KIAA2013: variants seen among roughly 807,000 people sequenced by gnomAD.
KIAA2013 encodes uncharacterized protein KIAA2013.
A neutral mutation model predicts 39.9 loss-of-function variants in KIAA2013; 20 were observed. That is an observed-to-expected ratio of 0.50 (90% CI 0.35 to 0.73). The LOEUF (loss-of-function observed/expected upper bound fraction) is 0.73, where lower values mean the gene tolerates loss of function less well. KIAA2013 is among the 30% of genes least tolerant of loss of function. The probability of loss-of-function intolerance (pLI) is 0.01; values close to 1 mark genes in which losing one functional copy is unlikely to be tolerated. For missense variants in KIAA2013, 587 were observed against 856.1 expected (o/e 0.69, Z 3.92); for synonymous variants, 336 against 416.6 (o/e 0.81, Z 2.35).
rs1283917991 is a variant in KIAA2013 at position 11,922,951 on chromosome 1, C to G, written c.1572G>C (p.Lys524Asn). 1.9e-6 allele frequency: 3 copies of G among 1,612,002 alleles called. No homozygotes were observed. The highest frequency in any genetic ancestry group is 2.5e-6 in the Non-Finnish European group (3 of 1,178,782). Reference protein sequence around the residue: ...RGQPVKIYACKAGCLDEPVEL... With the variant: ...RGQPVKIYACNAGCLDEPVEL... ...CCACTGGCTCGTCCAGGCAGCCTGC[C>G]TTGCAGGCATAGATCTTGACAGGCT... is the stretch of plus-strand genomic sequence containing the variant. The change falls in exon 2 of 3, where the codon AAG (lysine) becomes AAC (asparagine). Residue 524 changes from lysine (K) to asparagine (N), a missense_variant. Lys to Asn is a moderately conservative substitution (Grantham distance 94). Coordinates refer to ENST00000376572, the MANE Select transcript of KIAA2013 (RefSeq NM_138346.3).
chr1:11,925,656 C>A lies in KIAA2013; in HGVS notation c.582G>T (p.Ala194=). The A allele has an allele frequency of 6.2e-7, 1 of 1,607,836 alleles. No individual in the cohort carries two copies. Among genetic ancestry groups the A allele is most frequent in the South Asian group, 1.1e-5 (1 of 90,386 alleles). Reference sequence around the variant, plus strand: ...GGTAGACGTGGGGTCGGCCCCTGTGCGCCAGAAAGTCCTCTTGCAGCAGCA... The same window carrying A: ...GGTAGACGTGGGGTCGGCCCCTGTGAGCCAGAAAGTCCTCTTGCAGCAGCA... ...DCVLLQEDFL[A]HRGRPHVYLQ... is the part of the protein sequence containing the mutation. The change falls in exon 1 of 3, where the codon GCG becomes GCT. Residue 194 remains alanine, a synonymous_variant. Coordinates refer to ENST00000376572, the MANE Select transcript of KIAA2013 (RefSeq NM_138346.3). The surrounding 1 kb of genome is among the most constrained non-coding windows in gnomAD (Gnocchi z 5.2).
In KIAA2013 at chr1:11,923,336, T is replaced by G. The variant is rs754649273; in HGVS notation, c.1187A>C (p.Tyr396Ser). ...ERDQMESTLN[Y>S]EDHCFSGHAT... ...GTGCCCGCTGAAGCAGTGATCTTCATAGTTGAGCGTCGACTCCATCTGGTC... is the reference window on the plus strand; with the variant it reads ...GTGCCCGCTGAAGCAGTGATCTTCAGAGTTGAGCGTCGACTCCATCTGGTC... Residue 396 changes from tyrosine (Y) to serine (S), a missense_variant, in exon 2 of 3, where the codon TAT becomes TCT. Tyr to Ser is a moderately radical substitution (Grantham distance 144). Coordinates refer to ENST00000376572, the MANE Select transcript of KIAA2013 (RefSeq NM_138346.3). This position sits in a 1 kb window ranked among gnomAD's most constrained non-coding sequence, Gnocchi z 4.6. 8 of 1,613,834 alleles carry G rather than the reference T, an allele frequency of 5.0e-6. No homozygotes were observed. The highest frequency in any genetic ancestry group is 1.7e-5 in the Admixed American group (1 of 60,018).
In KIAA2013 at chr1:11,923,285, C is replaced by T; in HGVS notation, c.1238G>A (p.Trp413Ter). 2 of 1,613,304 alleles carry T rather than the reference C, an allele frequency of 1.2e-6. No homozygotes were observed. The highest frequency in any genetic ancestry group is 1.7e-6 in the Non-Finnish European group (2 of 1,179,512). ...CTGGACGGAGGACAGCCGCCCCGGC[C>T]ACAGGTTCTCGGCGTGCATGGTGGC... is the stretch of plus-strand genomic sequence containing the variant. ...GHATMHAENLWPGRLSSVQQI... is the reference protein window; with the variant it reads ...GHATMHAENL The change falls in exon 2 of 3, where the codon TGG becomes TAG. Residue 413 changes from tryptophan to a stop codon, truncating the protein, a stop_gained. Coordinates refer to ENST00000376572, the MANE Select transcript of KIAA2013 (RefSeq NM_138346.3). LOFTEE classifies it high-confidence loss of function. The surrounding 1 kb of genome is among the most constrained non-coding windows in gnomAD (Gnocchi z 4.6).
Position 11,926,126 on chromosome 1 carries a change from A to AC in KIAA2013, c.111dup (p.Ser38ValfsTer19). The AC allele has an allele frequency of 5.7e-6, 8 of 1,402,192 alleles. No individual in the cohort carries two copies. Among genetic ancestry groups the AC allele is most frequent in the Non-Finnish European group, 6.5e-6 (7 of 1,072,384 alleles). 86.9% of individuals were successfully genotyped at this position (1,402,192 alleles called of 1,614,324 possible). A position where few individuals can be genotyped will look rare whatever the true frequency, so the allele number is the denominator to read the frequency against. ...CCGCCCGCCGCCCGCCGCGCGCCGG[A>AC]CCCCCCAAACCACAGAAGCAGCAGC... On this transcript the variant is annotated frameshift_variant, in exon 1 of 3. Coordinates refer to ENST00000376572, the MANE Select transcript of KIAA2013 (RefSeq NM_138346.3). LOFTEE classifies it high-confidence loss of function.
chr1:11,922,691 T>G lies in KIAA2013; in HGVS notation c.1832A>C (p.Lys611Thr). 1.2e-6 allele frequency: 2 copies of G among 1,613,758 alleles called. No individual in the cohort carries two copies. The highest frequency in any genetic ancestry group is 1.7e-6 in the Non-Finnish European group (2 of 1,179,896). The change falls in exon 2 of 3, where the codon AAG (lysine) becomes ACG (threonine). Residue 611 changes from lysine to threonine, a missense_variant. By Grantham distance (78) the Lys-to-Thr change is moderately conservative. Transcript: ENST00000376572. ...CCCACAGTACTCGTTGTAGATGAGC[T>G]TGAAGAGGAAGAGGTGGAAGAGGGT... ...LITLFHLFLFKLIYNEYCGPG... is the reference protein window; with the variant it reads ...LITLFHLFLFTLIYNEYCGPG...
intron 2 of KIAA2013, 22 bp from the exon 3 acceptor site, chr1:11,920,354 T>C (rs1339047801): frequency 4.3e-6 from 7 of 1,613,586 alleles, no homozygotes; most frequent in Non-Finnish European, 5.9e-6. Flanking sequence ...ACAAAACAAG[T>C]GTGATTACTG....
In KIAA2013 at chr1:11,926,187, G is replaced by A; in HGVS notation, c.51C>T (p.Ser17=). The A allele has an allele frequency of 7.2e-7, 1 of 1,379,422 alleles. No individual in the cohort carries two copies. Among genetic ancestry groups the A allele is most frequent in the Non-Finnish European group, 9.5e-7 (1 of 1,057,760 alleles). The allele number at this position is 1,379,422 out of a possible 1,614,324, so 85.4% of individuals were successfully genotyped here. Residue 17 remains serine, a synonymous_variant, in exon 1 of 3, where the codon AGC becomes AGT. Transcript: ENST00000376572. ...GCAGGCAGAGGAGGCGGCGGGCCCA[G>A]CTGCTCGACAGCAGTCCCGGCAGCC... The part of the protein sequence containing the change: ...LKGLPGLLSS[S]WARRLLCLLG...
intron 2 of KIAA2013, chr1:11,922,201 C>A: frequency 1.2e-5 from 2 of 162,702 alleles, no homozygotes; most frequent in Non-Finnish European, 2.0e-5. Context: ...TTGTTTTTTG[C>A]TTTTTTGAGA....
Position 11,923,016 on chromosome 1 carries a change from C to T in KIAA2013, c.1507G>A (p.Gly503Ser), listed in dbSNP as rs1645484124. The T allele has an allele frequency of 6.2e-7, 1 of 1,611,356 alleles. No individual in the cohort carries two copies. The highest frequency in any genetic ancestry group is 1.7e-4 in the Middle Eastern group (1 of 6,032). Residue 503 changes from glycine to serine, a missense_variant, in exon 2 of 3, where the codon GGC (glycine) becomes AGC (serine). By Grantham distance (56) the Gly-to-Ser change is moderately conservative. Transcript: ENST00000376572. This position sits in a 1 kb window ranked among gnomAD's most constrained non-coding sequence, Gnocchi z 4.6. ...INLAVLADAEGKPYLHVSVES... is the reference protein window; with the variant it reads ...INLAVLADAESKPYLHVSVES... Reference sequence around the variant, plus strand: ...ACGGACACGTGTAGGTAGGGCTTGCCCTCGGCATCCGCCAGCACGGCCAGG... The same window carrying T: ...ACGGACACGTGTAGGTAGGGCTTGCTCTCGGCATCCGCCAGCACGGCCAGG...
In KIAA2013 at chr1:11,925,875, G is replaced by C. The variant is rs778492671; in HGVS notation, c.363C>G (p.Asp121Glu). The change falls in exon 1 of 3, where the codon GAC (aspartate) becomes GAG (glutamate). Residue 121 changes from aspartate (D) to glutamate (E), a missense_variant. Asp to Glu is a conservative substitution (Grantham distance 45). Transcript: ENST00000376572. This position sits in a 1 kb window ranked among gnomAD's most constrained non-coding sequence, Gnocchi z 5.2. ...PGEREPAVAP[D>E]FVPFVQLRPL... is the part of the protein sequence containing the mutation. ...GGCGCAGCTGCACGAAGGGCACAAAGTCCGGCGCCACGGCGGGCTCCCGCT... is the reference window on the plus strand; with the variant it reads ...GGCGCAGCTGCACGAAGGGCACAAACTCCGGCGCCACGGCGGGCTCCCGCT... 2.0e-4 allele frequency: 307 copies of C among 1,530,242 alleles called. No homozygotes were observed. The highest frequency in any genetic ancestry group is 1.2e-4 in the Admixed American group (6 of 50,932). 94.8% of individuals were successfully genotyped at this position (1,530,242 alleles called of 1,614,324 possible).
rs1163186783 is a variant in KIAA2013, at chr1:11,919,687, C to T, written c.*628G>A. ...AATCACTAGAAAGTTAAACACCTCC[C>T]CTGAAGCCCCAAAGTACAAAACCAC... On this transcript the variant is annotated 3_prime_UTR_variant, in exon 3 of 3. Coordinates refer to ENST00000376572, the MANE Select transcript of KIAA2013 (RefSeq NM_138346.3). 1 of 152,306 alleles carries T rather than the reference C, an allele frequency of 6.6e-6. No homozygotes were observed. The highest frequency in any genetic ancestry group is 1.9e-4 in the East Asian group (1 of 5,192). 9.4% of individuals were successfully genotyped at this position (152,306 alleles called of 1,614,324 possible). A position where few individuals can be genotyped will look rare whatever the true frequency, so the allele number is the denominator to read the frequency against.
In KIAA2013 at chr1:11,920,222, G is replaced by A; in HGVS notation, c.*93C>T. 2.3e-5 allele frequency: 32 copies of A among 1,373,990 alleles called. No homozygotes were observed. The highest frequency in any genetic ancestry group is 3.2e-5 in the Non-Finnish European group (31 of 961,604). 85.1% of individuals were successfully genotyped at this position (1,373,990 alleles called of 1,614,324 possible). A position where few individuals can be genotyped will look rare whatever the true frequency, so the allele number is the denominator to read the frequency against. The stretch of plus-strand genomic sequence containing the variant: ...TCCCCCAACAAGGCACAAAGGGCGG[G>A]TGCTTCCAAAGGATCCCTTGCTCCT... On this transcript the variant is annotated 3_prime_UTR_variant, in exon 3 of 3. Coordinates refer to ENST00000376572, the MANE Select transcript of KIAA2013 (RefSeq NM_138346.3).
At chr1:11,922,518 A>G in intron 2 of KIAA2013, 118 bp downstream of exon 2, 3 of 1,549,920 alleles carry the variant, frequency 1.9e-6, no homozygotes, top group East Asian at 2.4e-5. Flanking sequence ...GGCTGAGGGC[A>G]TCAGGACACC....
In KIAA2013 at chr1:11,923,470, G is replaced by C. The variant is rs1230649628; in HGVS notation, c.1053C>G (p.Ile351Met). Residue 351 changes from isoleucine to methionine, a missense_variant, in exon 2 of 3, where the codon ATC becomes ATG. Coordinates refer to ENST00000376572, the MANE Select transcript of KIAA2013 (RefSeq NM_138346.3). This position sits in a 1 kb window ranked among gnomAD's most constrained non-coding sequence, Gnocchi z 4.6. ...LFSPGVEMKK[I>M]TDTHTPSGLT... ...GGCCAGACGGCGTGTGGGTGTCAGT[G>C]ATCTTCTTCATTTCCACTCCTGCAA... The C allele has an allele frequency of 6.2e-7, 1 of 1,606,428 alleles. No individual in the cohort carries two copies. Among genetic ancestry groups the C allele is most frequent in the African/African-American group, 1.3e-5 (1 of 74,894 alleles).
rs754649273 is a variant in KIAA2013, at chr1:11,923,336, T to C, written c.1187A>G (p.Tyr396Cys). ...ERDQMESTLN[Y>C]EDHCFSGHAT... ...GTGCCCGCTGAAGCAGTGATCTTCA[T>C]AGTTGAGCGTCGACTCCATCTGGTC... The change falls in exon 2 of 3, where the codon TAT (tyrosine) becomes TGT (cysteine). Residue 396 changes from tyrosine (Y) to cysteine (C), a missense_variant. Coordinates refer to ENST00000376572, the MANE Select transcript of KIAA2013 (RefSeq NM_138346.3). The surrounding 1 kb of genome is among the most constrained non-coding windows in gnomAD (Gnocchi z 4.6). The C allele has an allele frequency of 2.5e-6, 4 of 1,613,716 alleles. No individual in the cohort carries two copies. The highest frequency in any genetic ancestry group is 3.4e-6 in the Non-Finnish European group (4 of 1,180,012).
Position 11,923,465 on chromosome 1 carries a change from T to G in KIAA2013, c.1058A>C (p.Asp353Ala), listed in dbSNP as rs748321655. 4.4e-6 allele frequency: 7 copies of G among 1,606,984 alleles called. No homozygotes were observed. The East Asian group carries it at 1.6e-4, about 36-fold the overall frequency. ...SPGVEMKKIT[D>A]THTPSGLTVN... ...GGTGAGGCCAGACGGCGTGTGGGTGTCAGTGATCTTCTTCATTTCCACTCC... is the reference window on the plus strand; with the variant it reads ...GGTGAGGCCAGACGGCGTGTGGGTGGCAGTGATCTTCTTCATTTCCACTCC... Residue 353 changes from aspartate to alanine, a missense_variant, in exon 2 of 3, where the codon GAC becomes GCC. Physicochemically the swap from Asp to Ala is moderately radical, Grantham distance 126. Coordinates refer to ENST00000376572, the MANE Select transcript of KIAA2013 (RefSeq NM_138346.3). The surrounding 1 kb of genome is among the most constrained non-coding windows in gnomAD (Gnocchi z 4.6).
rs756609223 is a variant in KIAA2013 at position 11,923,363 on chromosome 1, C to A, written c.1160G>T (p.Arg387Leu). The A allele has an allele frequency of 3.7e-5, 59 of 1,613,270 alleles. No homozygotes were observed. The South Asian group carries it at 6.1e-4, about 17-fold the overall frequency. The change falls in exon 2 of 3, where the codon CGA becomes CTA. Residue 387 changes from arginine (R) to leucine (L), a missense_variant. By Grantham distance (102) the Arg-to-Leu change is moderately radical (BLOSUM62 -2). Coordinates refer to ENST00000376572, the MANE Select transcript of KIAA2013 (RefSeq NM_138346.3). This position sits in a 1 kb window ranked among gnomAD's most constrained non-coding sequence, Gnocchi z 4.6. ...GTTGAGCGTCGACTCCATCTGGTCT[C>A]GCTCCCTGTGGCTCAGGGAGGGGCT... is the stretch of plus-strand genomic sequence containing the variant. ...LLSPSLSHRE[R>L]DQMESTLNYE...
chr1:11,925,905 G>A lies in KIAA2013; in HGVS notation c.333C>T (p.Pro111=), dbSNP rs1202930105. The change falls in exon 1 of 3, where the codon CCC becomes CCT. Residue 111 remains proline, a synonymous_variant. Transcript: ENST00000376572. The surrounding 1 kb of genome is among the most constrained non-coding windows in gnomAD (Gnocchi z 5.2). The part of the protein sequence containing the change: ...DVAANRLWVT[P]GEREPAVAPD... ...GCGCCACGGCGGGCTCCCGCTCCCCGGGAGTCACCCACAGCCGATTGGCAG... is the reference window on the plus strand; with the variant it reads ...GCGCCACGGCGGGCTCCCGCTCCCCAGGAGTCACCCACAGCCGATTGGCAG... The A allele has an allele frequency of 2.0e-6, 3 of 1,526,458 alleles. No homozygotes were observed. Among genetic ancestry groups the A allele is most frequent in the Non-Finnish European group, 2.6e-6 (3 of 1,143,866 alleles). 94.6% of individuals were successfully genotyped at this position (1,526,458 alleles called of 1,614,324 possible). A position where few individuals can be genotyped will look rare whatever the true frequency, so the allele number is the denominator to read the frequency against.
At position 11,925,170 on chromosome 1, in the gene KIAA2013, T is replaced by G; in HGVS notation, c.1033+35A>C. On this transcript the variant is annotated intron_variant, in intron 1 of 2. Coordinates refer to ENST00000376572, the MANE Select transcript of KIAA2013 (RefSeq NM_138346.3). This position sits in a 1 kb window ranked among gnomAD's most constrained non-coding sequence, Gnocchi z 5.2. ...CACCTCTGCAGACTTGGGAGGGACATATCTAGGGTGGACCAAGCGCTGGCC... is the reference window on the plus strand; with the variant it reads ...CACCTCTGCAGACTTGGGAGGGACAGATCTAGGGTGGACCAAGCGCTGGCC... 2 of 1,525,294 alleles carry G rather than the reference T, an allele frequency of 1.3e-6. No individual in the cohort carries two copies. The highest frequency in any genetic ancestry group is 1.8e-6 in the Non-Finnish European group (2 of 1,135,832). The allele number at this position is 1,525,294 out of a possible 1,614,324, so 94.5% of individuals were successfully genotyped here.
Sources: gnomAD v4.1 joint callset for allele counts on GRCh38, gnomAD v4.1.1 for gene constraint, Gnocchi (gnomAD v3.1) non-coding constraint, MANE v1.5 for transcripts, NCBI Gene and HGNC (gene_info 2026-07-23, HGNC 2026-07-21) for gene names.